The following EML6 variants were observed in gnomAD, a reference collection of about 807,000 sequenced individuals.
EML6 encodes echinoderm microtubule-associated protein-like 6.
Under a neutral mutation model 240.1 loss-of-function variants are expected in EML6, and 154 were observed. The observed-to-expected ratio is 0.64, with a 90% CI of 0.56 to 0.73. The LOEUF is 0.73. EML6 is among the 30% of genes least tolerant of loss of function. EML6 has a pLI of 0.00. For missense variants in EML6, 2,964 were observed against 2,474.6 expected, an observed-to-expected ratio of 1.20 and a Z score of -4.20; for synonymous variants, 1,148 against 899.0, an observed-to-expected ratio of 1.28 and a Z score of -4.95.
chr2:54,878,304 C>T (rs1183445793), intron 16 of EML6, among the ~76,000 whole-genome samples: 1 of 152,098 alleles, frequency 6.6e-6, no homozygotes, highest in Non-Finnish European at 1.5e-5. Context: ...TATCACAGAC[C>T]TGTGTTGCTT....
At chr2:54,779,878 A>AG (rs1668772730) in intron 2 of EML6, among the ~76,000 whole-genome samples, 1 of 151,168 alleles carries the variant, frequency 6.6e-6, no homozygotes, top group Non-Finnish European at 1.5e-5. Context: ...AAAAAAAAAA[A>AG]AAAGAATATA....
At chr2:54,835,880 G>T (rs73935672) in intron 7 of EML6, among the ~76,000 whole-genome samples, 1 of 152,120 alleles carries the variant, frequency 6.6e-6, no homozygotes, top group African/African-American at 2.4e-5. Context: ...TAGTGTTGTT[G>T]TTAAGATCCC....
chr2:54,844,607 A>G (rs924968305), intron 8 of EML6, among the ~76,000 whole-genome samples: 8 of 152,160 alleles, frequency 5.3e-5, no homozygotes, highest in East Asian at 1.9e-4. Context: ...AGATTTTACA[A>G]TTTTGTTAAA....
At chr2:54,945,166 C>A (rs1675623222) in intron 28 of EML6, among the ~76,000 whole-genome samples, 1 of 89,364 alleles carries the variant, frequency 1.1e-5, no homozygotes, top group Admixed American at 1.0e-4. Context: ...CCCTCCTCCC[C>A]CTCCCCTCTT....
intron 2 of EML6, among the ~76,000 whole-genome samples, chr2:54,745,053 T>C (rs1683854133): frequency 6.6e-6 from 1 of 150,384 alleles, no homozygotes; most frequent in African/African-American, 2.4e-5. Context: ...GCACACTGGT[T>C]TGGGGGAGTC....
rs1390703171 is a variant in EML6, at chr2:54,948,973, A to G, written c.4083+13A>G. On this transcript the variant is annotated intron_variant, in intron 29 of 41. Coordinates refer to ENST00000356458, the MANE Select transcript of EML6 (RefSeq NM_001039753.4). ...GAAACTGGTTGAGGTGAGTTAAACA[A>G]TCACTTGTAGTCTGATATTGACGTT... The G allele has an allele frequency of 3.3e-6, 5 of 1,531,736 alleles. No homozygotes were observed. The highest frequency in any genetic ancestry group is 3.9e-5 in the Admixed American group (2 of 50,964). 94.9% of individuals were successfully genotyped at this position (1,531,736 alleles called of 1,614,324 possible).
intron 19 of EML6, among the ~76,000 whole-genome samples, chr2:54,894,418 C>T (rs750307623): frequency 9.9e-5 from 15 of 152,044 alleles, no homozygotes; most frequent in African/African-American, 2.4e-4. Flanking sequence ...GAAATAGGAT[C>T]GTTTCATTAT....
At chr2:54,822,883 A>C (rs1455106971) in intron 5 of EML6, among the ~76,000 whole-genome samples, 1 of 152,242 alleles carries the variant, frequency 6.6e-6, no homozygotes, top group African/African-American at 2.4e-5. Context: ...CACTACTCAA[A>C]AGTGTAACAT....
intron 25 of EML6, among the ~76,000 whole-genome samples, chr2:54,915,953 T>C (rs776838395): frequency 6.6e-6 from 1 of 152,220 alleles, no homozygotes; most frequent in Non-Finnish European, 1.5e-5. Flanking sequence ...TTGTCTATTA[T>C]TGTTTTAAGA....
chr2:54,836,995 G>T (rs6545446), intron 7 of EML6, among the ~76,000 whole-genome samples: 1 of 152,032 alleles, frequency 6.6e-6, no homozygotes, highest in African/African-American at 2.4e-5. Context: ...TTCCTGAGGG[G>T]CTGCAAGGGC....
At chr2:54,817,633 A>G (rs534602536) in intron 4 of EML6, among the ~76,000 whole-genome samples, 1 of 152,340 alleles carries the variant, frequency 6.6e-6, no homozygotes, top group South Asian at 2.1e-4. Context: ...ACCAACACTA[A>G]TGATAGCTGA....
intron 35 of EML6, among the ~76,000 whole-genome samples, chr2:54,961,203 T>TTTTTTTTTTTTTTTTTTTTTTTTTTTTTG (rs1558729687): frequency 2.8e-5 from 4 of 141,362 alleles, no homozygotes; most frequent in African/African-American, 1.1e-4. Flanking sequence ...TTTTTTTTTT[T>TTTTTTTTTTTTTTTTTTTTTTTTTTTTTG]GAGACGGAGT....
intron 2 of EML6, among the ~76,000 whole-genome samples, chr2:54,762,434 T>A (rs72915563): frequency 0.05 from 7,593 of 152,168 alleles, 593 homozygotes; most frequent in African/African-American, 0.16. Context: ...TAGTTACTAT[T>A]TTTTTCTTTT....
At chr2:54,766,726 T>A (rs1049007755) in intron 2 of EML6, among the ~76,000 whole-genome samples, 7 of 152,178 alleles carry the variant, frequency 4.6e-5, no homozygotes, top group Non-Finnish European at 1.0e-4. Flanking sequence ...TAGCATCAAC[T>A]GATGATTCAT....
rs900207776 is a variant in EML6 at position 54,956,605 on chromosome 2, A to G, written c.4487-1185A>G. ...GTCAGAGATTCCATATGCAGAGAGA[A>G]TTACAGCTGGGAGAAGTTCTCTGTG... On this transcript the variant is annotated intron_variant, in intron 32 of 41. Coordinates refer to ENST00000356458, the MANE Select transcript of EML6 (RefSeq NM_001039753.4). Among the ~76,000 whole-genome samples, 4 of 149,472 alleles carry G rather than the reference A, an allele frequency of 2.7e-5. No homozygotes were observed. In the East Asian group the frequency reaches 8.0e-4, roughly 30 times the overall value.
intron 10 of EML6, chr2:54,850,483 C>G (rs1034895051): frequency 5.2e-6 from 2 of 383,874 alleles, no homozygotes; most frequent in African/African-American, 4.0e-5. Flanking sequence ...AATGTAAAGA[C>G]AAGGCATAGA....
At chr2:54,928,894 GGCTT>G in intron 28 of EML6, 143 bp downstream of exon 28, 3 of 993,226 alleles carry the variant, frequency 3.0e-6, no homozygotes, top group Non-Finnish European at 4.4e-6. Flanking sequence ...CCTGTACACA[GGCTT>G]AAGCTGAGAA....
At chr2:54,756,144 C>A (rs1254829919) in intron 2 of EML6, among the ~76,000 whole-genome samples, 2 of 151,980 alleles carry the variant, frequency 1.3e-5, no homozygotes, top group Non-Finnish European at 2.9e-5. Flanking sequence ...TTCTGCTTAC[C>A]CTCTGGGCTC....
intron 28 of EML6, among the ~76,000 whole-genome samples, chr2:54,939,521 G>A (rs1003300577): frequency 1.3e-5 from 2 of 152,200 alleles, no homozygotes; most frequent in African/African-American, 4.8e-5. Context: ...CCAAGTACCA[G>A]TAGCCCCTTG....
Sources: gnomAD v4.1 joint callset for allele counts (sites outside exome capture counted in the v4.1 genomes callset) on GRCh38, gnomAD v4.1.1 for gene constraint, MANE v1.5 for transcripts, NCBI Gene and HGNC (gene_info 2026-07-23, HGNC 2026-07-21) for gene names.